NAA25: variants seen among roughly 807,000 people sequenced by gnomAD.
The protein encoded by NAA25 is N-terminal acetyltransferase B complex subunit NAA25.
Under a neutral mutation model 132.5 loss-of-function variants are expected in NAA25, and 30 were observed. The ratio of observed to expected loss-of-function variants is 0.23; its 90% CI spans 0.17 to 0.31. NAA25 has a LOEUF of 0.31. NAA25 is among the 10% of genes least tolerant of loss of function. NAA25 has a pLI of 1.00. For synonymous variants in NAA25, 359 were observed against 401.9 expected (o/e 0.89, Z 1.28); for missense variants, 771 against 1,150.4 (o/e 0.67, Z 4.77).
At chr12:112,032,733 A>T (rs896813624) in intron 23 of NAA25, among the ~76,000 whole-genome samples, 27 of 152,248 alleles carry the variant, frequency 1.8e-4, no homozygotes, top group African/African-American at 6.3e-4. Flanking sequence ...AAGACCTAAA[A>T]TAATATCAGA....
chr12:112,101,910 A>G (rs1460227076), intron 1 of NAA25, among the ~76,000 whole-genome samples: 3 of 147,642 alleles, frequency 2.0e-5, no homozygotes, highest in African/African-American at 7.6e-5. Flanking sequence ...TTTGTCACCC[A>G]GGCTGCAGTA....
At chr12:112,053,484 CAT>C (rs2078496502) in intron 15 of NAA25, 72 bp downstream of exon 15, 1 of 1,076,892 alleles carries the variant, frequency 9.3e-7, no homozygotes, top group Non-Finnish European at 1.4e-6. Context: ...GTACTTGTGA[CAT>C]GTGGTGACGT....
chr12:112,063,089 A>C (rs1191072534), intron 11 of NAA25, among the ~76,000 whole-genome samples: 1 of 152,054 alleles, frequency 6.6e-6, no homozygotes. Context: ...ATAATACATG[A>C]AGAAATGAGA....
rs574758942 is a variant in NAA25, at chr12:112,061,487, A to G, written c.1150-99T>C. 1.6e-5 allele frequency: 14 copies of G among 900,362 alleles called. No individual in the cohort carries two copies. In the East Asian group the frequency reaches 3.6e-4, roughly 23 times the overall value. 55.8% of individuals were successfully genotyped at this position (900,362 alleles called of 1,614,324 possible). On this transcript the variant is annotated intron_variant, in intron 11 of 23. Coordinates refer to ENST00000261745, the MANE Select transcript of NAA25 (RefSeq NM_024953.4). ...TTGAATGGTCTAGAAAAAGACATCA[A>G]GAAAAAAAAAACTAAAATTCCTTTC...
chr12:112,047,366 G>C (rs1330010826), intron 17 of NAA25, among the ~76,000 whole-genome samples: 1 of 151,650 alleles, frequency 6.6e-6, no homozygotes, highest in East Asian at 1.9e-4. Context: ...CGAATAGCTG[G>C]GATTACAGGC....
rs2078432704 is a variant in NAA25 at position 112,049,556 on chromosome 12, C to T, written c.1729-1113G>A. 1.0e-6 allele frequency: 1 copy of T among 985,758 alleles called. No homozygotes were observed. Among genetic ancestry groups the T allele is most frequent in the African/African-American group, 1.7e-5 (1 of 57,244 alleles). The allele number at this position is 985,758 out of a possible 1,614,324, so 61.1% of individuals were successfully genotyped here. A position where few individuals can be genotyped will look rare whatever the true frequency, so the allele number is the denominator to read the frequency against. ...CCACGGGCGCTAATTCAACTGCATT[C>T]GATGCGGCTTTTAAACCCCCATGGG... On this transcript the variant is annotated intron_variant, in intron 15 of 23. Transcript: ENST00000261745. The surrounding 1 kb of genome is among the most constrained non-coding windows in gnomAD (Gnocchi z 4.7).
intron 23 of NAA25, 53 bp downstream of exon 23, chr12:112,033,180 C>T: frequency 1.3e-6 from 2 of 1,498,834 alleles, no homozygotes; most frequent in Non-Finnish European, 1.8e-6. Context: ...GAGAGAGAGA[C>T]AGAGTGTTTG....
intron 11 of NAA25, among the ~76,000 whole-genome samples, chr12:112,067,521 A>G (rs767356228): frequency 1.5e-4 from 23 of 151,818 alleles, no homozygotes; most frequent in Non-Finnish European, 3.2e-4. Flanking sequence ...CCAGCCTGGC[A>G]AACATGGCAA....
Position 112,029,375 on chromosome 12 carries a change from A to C in NAA25, c.*156T>G, listed in dbSNP as rs1033056594. 3.4e-6 allele frequency: 4 copies of C among 1,187,174 alleles called. No homozygotes were observed. In the East Asian group the frequency reaches 9.8e-5, roughly 29 times the overall value. 73.5% of individuals were successfully genotyped at this position (1,187,174 alleles called of 1,614,324 possible). Reference sequence around the variant, plus strand: ...TATACAATAATTTAATCAGTTGTATATATTTAACACCTAAAAAAATTCACG... The same window carrying C: ...TATACAATAATTTAATCAGTTGTATCTATTTAACACCTAAAAAAATTCACG... On this transcript the variant is annotated 3_prime_UTR_variant, in exon 24 of 24. Coordinates refer to ENST00000261745, the MANE Select transcript of NAA25 (RefSeq NM_024953.4).
At chr12:112,047,883 G>C in intron 16 of NAA25, 93 bp from the exon 17 acceptor site, 1 of 1,274,716 alleles carries the variant, frequency 7.8e-7, no homozygotes, top group Non-Finnish European at 1.1e-6. Flanking sequence ...GACAGGAAGG[G>C]AAAGAGGAAG....
At chr12:112,052,633 C>CT (rs1166522646) in intron 15 of NAA25, among the ~76,000 whole-genome samples, 2 of 152,264 alleles carry the variant, frequency 1.3e-5, no homozygotes, top group East Asian at 3.9e-4. Flanking sequence ...ACAATACACC[C>CT]TTAAAGAATT....
chr12:112,030,786 A>G (rs987440557), intron 23 of NAA25, among the ~76,000 whole-genome samples: 1 of 152,252 alleles, frequency 6.6e-6, no homozygotes, highest in Non-Finnish European at 1.5e-5. Context: ...GTGCACAAAT[A>G]CATTTCACTC....
rs571214640 is a variant in NAA25, at chr12:112,038,432, A to G, written c.2649+797T>C. On this transcript the variant is annotated intron_variant, in intron 22 of 23. Transcript: ENST00000261745. The stretch of plus-strand genomic sequence containing the variant: ...TCCTTGTTCTATCCTGATGTGTTAC[A>G]TGTCACAAGTCTGTACTTTCCTTTT... Among the ~76,000 whole-genome samples, 7 of 152,324 alleles carry G rather than the reference A, an allele frequency of 4.6e-5. No homozygotes were observed. The South Asian group carries it at 1.5e-3, about 32-fold the overall frequency.
At chr12:112,045,507 A>G (rs1446742101) in intron 17 of NAA25, among the ~76,000 whole-genome samples, 1 of 151,570 alleles carries the variant, frequency 6.6e-6, no homozygotes, top group African/African-American at 2.4e-5. Flanking sequence ...AAAAAAAAAA[A>G]ATAGGGGCTG....
chr12:112,081,848 ACTAT>A (rs1353914779), intron 4 of NAA25, among the ~76,000 whole-genome samples: 1 of 152,338 alleles, frequency 6.6e-6, no homozygotes, highest in Admixed American at 6.5e-5. Context: ...AGTAGAAGAA[ACTAT>A]CTATTCCTGA....
At chr12:112,100,693 C>G (rs77070496) in intron 1 of NAA25, among the ~76,000 whole-genome samples, 70 of 143,774 alleles carry the variant, frequency 4.9e-4, no homozygotes, top group African/African-American at 1.7e-3. Context: ...GATCTTGGCT[C>G]GCTGCATGCT....
At chr12:112,081,460 TACTTA>T (rs2078972262) in intron 4 of NAA25, among the ~76,000 whole-genome samples, 1 of 152,248 alleles carries the variant, frequency 6.6e-6, no homozygotes, top group Non-Finnish European at 1.5e-5. Flanking sequence ...CAATAAACTT[TACTTA>T]AGATACCATA....
Position 112,100,469 on chromosome 12 carries a change from CT to C in NAA25, c.59-7334del, listed in dbSNP as rs1405240827. 1.4e-4 allele frequency among the ~76,000 whole-genome samples: 22 copies of C among 151,876 alleles called. 1 individual carries two copies. The highest frequency in any genetic ancestry group is 3.3e-4 in the Admixed American group (5 of 15,230). ...AGCCACCACACCTGGCCTTGCTTCC[CT>C]TTTAGTTTAAAGGTTTATTTCCCAC... is the stretch of plus-strand genomic sequence containing the variant. On this transcript the variant is annotated intron_variant, in intron 1 of 23. Coordinates refer to ENST00000261745, the MANE Select transcript of NAA25 (RefSeq NM_024953.4).
At chr12:112,085,383 C>G (rs2079031466) in intron 4 of NAA25, among the ~76,000 whole-genome samples, 1 of 152,050 alleles carries the variant, frequency 6.6e-6, no homozygotes, top group Non-Finnish European at 1.5e-5. Context: ...CAGAGAGAGT[C>G]TGTCTATCTC....
Sources: allele counts gnomAD v4.1 joint callset (sites outside exome capture counted in the v4.1 genomes callset), GRCh38; gene constraint gnomAD v4.1.1; non-coding constraint Gnocchi (gnomAD v3.1); transcripts MANE v1.5; gene names NCBI Gene and HGNC (gene_info 2026-07-23, HGNC 2026-07-21).